Variants in ZNF618 observed in about 807,000 individuals in gnomAD.
The protein encoded by ZNF618 is neural precursor cell expressed, developmentally down-regulated 10.
Under a neutral mutation model 103.0 loss-of-function variants are expected in ZNF618, and 34 were observed. That is an observed-to-expected ratio of 0.33 (90% CI 0.25 to 0.44). ZNF618 has a LOEUF of 0.44. ZNF618 is among the 20% of genes least tolerant of loss of function. ZNF618 has a pLI of 1.00. For synonymous variants in ZNF618, 551 were observed against 542.2 expected, an observed-to-expected ratio of 1.02 and a Z score of -0.23; for missense variants, 1,059 against 1,295.4, an observed-to-expected ratio of 0.82 and a Z score of 2.80.
chr9:113,996,562 G>C (rs1288454713), intron 3 of ZNF618, among the ~76,000 whole-genome samples: 6 of 152,222 alleles, frequency 3.9e-5, no homozygotes, highest in African/African-American at 1.4e-4. Context: ...TCTGTCTGAT[G>C]CTCTGGGAGG....
At chr9:114,013,587 C>T (rs138610874) in intron 9 of ZNF618, among the ~76,000 whole-genome samples, 3,149 of 152,216 alleles carry the variant, frequency 0.021, 97 homozygotes, top group African/African-American at 0.063. Context: ...CCCGCCACCA[C>T]GCCTGGCTAA....
chr9:114,001,914 A>G (rs573863658), intron 4 of ZNF618, 82 bp from the exon 5 acceptor site: 11 of 1,203,198 alleles, frequency 9.1e-6, no homozygotes, highest in African/African-American at 7.4e-5. Flanking sequence ...AGTTAGCCAC[A>G]CTTGTAGGCA....
Position 113,983,580 on chromosome 9 carries a change from A to G in ZNF618, c.78-4741A>G, listed in dbSNP as rs80114402. 3.5e-3 allele frequency among the ~76,000 whole-genome samples: 527 copies of G among 151,764 alleles called. 4 individuals carry two copies. The highest frequency in any genetic ancestry group is 0.012 in the African/African-American group (488 of 41,554). On this transcript the variant is annotated intron_variant, in intron 2 of 14. Coordinates refer to ENST00000374126, the MANE Select transcript of ZNF618 (RefSeq NM_001318042.2). Reference sequence around the variant, plus strand: ...TCACGCAGCTGCAGCTGTATTTGCCAGTGTGAACTCTGATTTGTTTGGGGT... The same window carrying G: ...TCACGCAGCTGCAGCTGTATTTGCCGGTGTGAACTCTGATTTGTTTGGGGT...
intron 10 of ZNF618, among the ~76,000 whole-genome samples, chr9:114,025,764 A>G (rs1843445404): frequency 6.6e-6 from 1 of 152,120 alleles, no homozygotes; most frequent in African/African-American, 2.4e-5. Flanking sequence ...AACATGTCAG[A>G]TAGCTTCATG....
At chr9:114,013,332 A>G (rs1268372299) in intron 9 of ZNF618, among the ~76,000 whole-genome samples, 1 of 152,278 alleles carries the variant, frequency 6.6e-6, no homozygotes, top group Non-Finnish European at 1.5e-5. Context: ...GTAGTAAAAC[A>G]AGATAAACTA....
chr9:114,008,596 T>C lies in ZNF618; in HGVS notation c.754+42T>C, dbSNP rs558713988. On this transcript the variant is annotated intron_variant, in intron 9 of 14. Coordinates refer to ENST00000374126, the MANE Select transcript of ZNF618 (RefSeq NM_001318042.2). ...CTGGGGCCAAGGGCTGGGTGGGGGC[T>C]GGCCAAGGGAGGCAGGGCTCAGTCT... The C allele has an allele frequency of 1.9e-6, 3 of 1,608,772 alleles. No individual in the cohort carries two copies. The South Asian group carries it at 3.3e-5, about 18-fold the overall frequency.
intron 1 of ZNF618, among the ~76,000 whole-genome samples, chr9:113,944,531 G>A (rs987913719): frequency 1.3e-5 from 2 of 152,150 alleles, no homozygotes; most frequent in South Asian, 2.1e-4. Flanking sequence ...TGCCCACCTT[G>A]TCTCTCAATG....
At chr9:114,002,246 CCTG>C (rs1841296373) in intron 5 of ZNF618, among the ~76,000 whole-genome samples, 173 bp downstream of exon 5, 2 of 152,188 alleles carry the variant, frequency 1.3e-5, no homozygotes, top group African/African-American at 4.8e-5. Context: ...AGGGAGGCCT[CCTG>C]ATGCGGGACA....
intron 10 of ZNF618, among the ~76,000 whole-genome samples, chr9:114,020,639 TA>T (rs1266996254): frequency 6.6e-6 from 1 of 152,158 alleles, no homozygotes; most frequent in Non-Finnish European, 1.5e-5. Flanking sequence ...AATCTTTGTG[TA>T]TTGAATTTGT....
intron 13 of ZNF618, among the ~76,000 whole-genome samples, chr9:114,042,498 T>C (rs1330989162): frequency 6.6e-6 from 1 of 151,798 alleles, no homozygotes; most frequent in African/African-American, 2.4e-5. Context: ...AGGGACAACA[T>C]AGCATGACCC....
At chr9:114,015,893 A>G (rs1842603476) in intron 9 of ZNF618, among the ~76,000 whole-genome samples, 1 of 152,192 alleles carries the variant, frequency 6.6e-6, no homozygotes, top group African/African-American at 2.4e-5. Context: ...CAAAGAGGAT[A>G]TTGATCAGGA....
In ZNF618 at chr9:113,908,212, C is replaced by T. The variant is rs141363063; in HGVS notation, c.33+31799C>T. Among the ~76,000 whole-genome samples, 923 of 149,484 alleles carry T rather than the reference C, an allele frequency of 6.2e-3. 6 individuals carry two copies. Among genetic ancestry groups the T allele is most frequent in the Middle Eastern group, 0.014 (4 of 294 alleles). ...ATTTCACTTGTTCGTAAGTTAAGAC[C>T]CTAACATTTATAGAGAAAAACATCA... On this transcript the variant is annotated intron_variant, in intron 1 of 14. Coordinates refer to ENST00000374126, the MANE Select transcript of ZNF618 (RefSeq NM_001318042.2).
At chr9:113,934,980 C>T (rs926202789) in intron 1 of ZNF618, among the ~76,000 whole-genome samples, 6 of 152,192 alleles carry the variant, frequency 3.9e-5, no homozygotes, top group African/African-American at 1.4e-4. Context: ...TTAGGTCATG[C>T]CCAGGGTCCC....
chr9:113,974,890 C>T (rs904576921), intron 2 of ZNF618, among the ~76,000 whole-genome samples: 3 of 152,152 alleles, frequency 2.0e-5, no homozygotes, highest in African/African-American at 7.2e-5. Flanking sequence ...CCCTGGGCTC[C>T]TTACCTAGCC....
chr9:113,949,366 T>G (rs1237547838), intron 1 of ZNF618, among the ~76,000 whole-genome samples: 1 of 152,192 alleles, frequency 6.6e-6, no homozygotes, highest in African/African-American at 2.4e-5. Flanking sequence ...GAAGAGTTCC[T>G]TTGTCCCCCA....
chr9:113,931,313 C>T (rs551121522), intron 1 of ZNF618, among the ~76,000 whole-genome samples: 4 of 152,226 alleles, frequency 2.6e-5, no homozygotes, highest in South Asian at 2.1e-4. Flanking sequence ...AGTTTAGGAG[C>T]GTGGGGCAGG....
chr9:114,007,517 G>C (rs775743713), intron 7 of ZNF618, 78 bp downstream of exon 7: 5 of 1,379,116 alleles, frequency 3.6e-6, no homozygotes, highest in Non-Finnish European at 5.0e-6. Flanking sequence ...AGCCCTCCCC[G>C]CCTCCCTCCT....
chr9:114,008,748 A>T (rs1841982428), intron 9 of ZNF618, among the ~76,000 whole-genome samples, 194 bp downstream of exon 9: 1 of 152,316 alleles, frequency 6.6e-6, no homozygotes, highest in Admixed American at 6.5e-5. Flanking sequence ...CACAGGGTCA[A>T]GGTCAGGACA....
Position 114,048,988 on chromosome 9 carries a change from C to A in ZNF618, c.1686C>A (p.Ser562=), listed in dbSNP as rs41277731. The part of the protein sequence containing the change: ...TCHSQSVGPD[S]CYILTAYQAE... ...ACTCCCAGAGTGTTGGCCCTGACTC[C>A]TGCTACATCCTCACAGCCTACCAGG... is the stretch of plus-strand genomic sequence containing the variant. The change falls in exon 15 of 15, where the codon TCC becomes TCA. Residue 562 remains serine, a synonymous_variant. Transcript: ENST00000374126. 2 of 1,613,218 alleles carry A rather than the reference C, an allele frequency of 1.2e-6. No individual in the cohort carries two copies. Among genetic ancestry groups the A allele is most frequent in the African/African-American group, 2.7e-5 (2 of 74,936 alleles).
Sources: gnomAD v4.1 joint callset for allele counts (sites outside exome capture counted in the v4.1 genomes callset) on GRCh38, gnomAD v4.1.1 for gene constraint, MANE v1.5 for transcripts, NCBI Gene and HGNC (gene_info 2026-07-23, HGNC 2026-07-21) for gene names.